The following PHF20L1 variants were observed in gnomAD, a reference collection of about 807,000 sequenced individuals.
The protein encoded by PHF20L1 is PHD finger protein 20 like 1, also known as PHD finger protein 20-like protein 1.
In PHF20L1, 44 loss-of-function variants were observed where a neutral mutation model predicts 125.5. That is an observed-to-expected ratio of 0.35 (90% CI 0.28 to 0.45). The LOEUF is 0.45. Ranked by LOEUF, PHF20L1 falls within the 20% of genes least tolerant of loss-of-function variation. The probability of loss-of-function intolerance (pLI) is 1.00; values close to 1 mark genes in which losing one functional copy is unlikely to be tolerated. For missense variants in PHF20L1, 1,012 were observed against 1,217.2 expected, an observed-to-expected ratio of 0.83 and a Z score of 2.51; for synonymous variants, 380 against 403.1, an observed-to-expected ratio of 0.94 and a Z score of 0.69.
intron 4 of PHF20L1, among the ~76,000 whole-genome samples, chr8:132,795,223 T>G (rs774389445): frequency 1.8e-4 from 27 of 152,132 alleles, no homozygotes; most frequent in Non-Finnish European, 4.0e-4. Context: ...TAGGATATTT[T>G]CTGAGGAAAG....
chr8:132,823,982 A>G (rs199557054), intron 12 of PHF20L1, 22 bp from the exon 13 acceptor site: 195 of 1,481,286 alleles, frequency 1.3e-4, no homozygotes, highest in Admixed American at 3.5e-4. Context: ...TTAAACTTAC[A>G]TATTTTTCCC....
At position 132,798,730 on chromosome 8, in the gene PHF20L1, TG is replaced by T. The variant is rs757584870; in HGVS notation, c.341-41del. ...TAGATTTCAAGTGTTGCTGTAAACT[TG>T]AATTATATTTTCTAATGATTCTGAC... is the stretch of plus-strand genomic sequence containing the variant. On this transcript the variant is annotated intron_variant, in intron 4 of 20. Coordinates refer to ENST00000395386, the MANE Select transcript of PHF20L1 (RefSeq NM_016018.5). 6.9e-6 allele frequency: 9 copies of T among 1,301,902 alleles called. No individual in the cohort carries two copies. In the African/African-American group the frequency reaches 8.8e-5, roughly 13 times the overall value. The allele number at this position is 1,301,902 out of a possible 1,614,324, so 80.6% of individuals were successfully genotyped here.
intron 18 of PHF20L1, among the ~76,000 whole-genome samples, chr8:132,839,801 A>T (rs902611429): frequency 6.6e-6 from 1 of 152,162 alleles, no homozygotes; most frequent in African/African-American, 2.4e-5. Flanking sequence ...AAAGGTAGAT[A>T]CGGCATCTAG....
At chr8:132,833,415 C>T (rs1031161117) in intron 15 of PHF20L1, among the ~76,000 whole-genome samples, 9 of 152,000 alleles carry the variant, frequency 5.9e-5, no homozygotes, top group African/African-American at 2.2e-4. Flanking sequence ...AAGTTACCAC[C>T]ACCCTTTTCC....
intron 14 of PHF20L1, among the ~76,000 whole-genome samples, chr8:132,828,690 A>G (rs1188678093): frequency 6.6e-6 from 1 of 152,050 alleles, no homozygotes; most frequent in African/African-American, 2.4e-5. Flanking sequence ...TGTGTGTATG[A>G]GAAGTCACCA....
chr8:132,834,033 G>C (rs1837075767), intron 15 of PHF20L1, among the ~76,000 whole-genome samples: 2 of 152,040 alleles, frequency 1.3e-5, no homozygotes, highest in African/African-American at 4.8e-5. Flanking sequence ...CAATTTAAGG[G>C]GTAGTTGCTG....
chr8:132,843,770 G>A (rs1185324930), intron 19 of PHF20L1: 2 of 984,970 alleles, frequency 2.0e-6, no homozygotes, highest in African/African-American at 3.5e-5. Context: ...AAACGCTCTT[G>A]ATTTCTTTTC....
At chr8:132,843,822 G>A in intron 19 of PHF20L1, 1 of 985,082 alleles carries the variant, frequency 1.0e-6, no homozygotes, top group Non-Finnish European at 1.2e-6. Flanking sequence ...ATCACCAGCT[G>A]AGATTAATTG....
Position 132,846,622 on chromosome 8 carries a change from G to C in PHF20L1, c.*699G>C, listed in dbSNP as rs890903758. ...ATTAAAAACAAACTGGCTTGCAGAA[G>C]GGTCCGATGTGCCAAGTGATCATGA... On this transcript the variant is annotated 3_prime_UTR_variant, in exon 21 of 21. Transcript: ENST00000395386. The C allele has an allele frequency of 7.2e-5, 11 of 152,492 alleles. No homozygotes were observed. Among genetic ancestry groups the C allele is most frequent in the Non-Finnish European group, 1.5e-4 (10 of 67,980 alleles). The allele number at this position is 152,492 out of a possible 1,614,324, so 9.4% of individuals were successfully genotyped here.
chr8:132,829,025 T>G (rs1836493508), intron 14 of PHF20L1, among the ~76,000 whole-genome samples: 1 of 152,000 alleles, frequency 6.6e-6, no homozygotes, highest in Admixed American at 6.6e-5. Flanking sequence ...GGAAGGGACT[T>G]TATGTAGGAG....
intron 19 of PHF20L1, chr8:132,843,903 C>T (rs951776712): frequency 1.6e-5 from 16 of 985,044 alleles, no homozygotes; most frequent in African/African-American, 1.0e-4. Flanking sequence ...ATTTATTTAG[C>T]GCATTTTATT....
chr8:132,785,635 T>C (rs532185511), intron 2 of PHF20L1, among the ~76,000 whole-genome samples: 1 of 152,276 alleles, frequency 6.6e-6, no homozygotes, highest in East Asian at 1.9e-4. Context: ...TTGCTACAGA[T>C]GGTTAGCACA....
chr8:132,843,136 G>A (rs1013890200), intron 19 of PHF20L1: 5 of 1,124,578 alleles, frequency 4.4e-6, no homozygotes, highest in Non-Finnish European at 1.1e-6. Flanking sequence ...AGTACATTTC[G>A]ATGCTTCTAA....
At chr8:132,797,227 T>A (rs1832502156) in intron 4 of PHF20L1, among the ~76,000 whole-genome samples, 1 of 151,948 alleles carries the variant, frequency 6.6e-6, no homozygotes, top group Non-Finnish European at 1.5e-5. Context: ...GCCTGCCCGC[T>A]CCCCACCTTG....
Position 132,836,648 on chromosome 8 carries a change from A to T in PHF20L1, c.2018A>T (p.Asp673Val), listed in dbSNP as rs1325185416. The part of the protein sequence containing the change: ...FDSTNFEESQ[D>V]EDDALNEIVR... ...TCAACCAATTTTGAGGAATCTCAGGATGAGGATGATGCTCTTAATGAAATT... is the reference window on the plus strand; with the variant it reads ...TCAACCAATTTTGAGGAATCTCAGGTTGAGGATGATGCTCTTAATGAAATT... Residue 673 changes from aspartate (D) to valine (V), a missense_variant, in exon 16 of 21, where the codon GAT becomes GTT. Physicochemically the swap from Asp to Val is radical, Grantham distance 152 (BLOSUM62 -3). Transcript: ENST00000395386. 4 of 1,613,144 alleles carry T rather than the reference A, an allele frequency of 2.5e-6. No individual in the cohort carries two copies. Among genetic ancestry groups the T allele is most frequent in the Non-Finnish European group, 3.4e-6 (4 of 1,179,330 alleles).
chr8:132,799,687 A>G (rs1832818944), intron 6 of PHF20L1: 1 of 152,010 alleles, frequency 6.6e-6, no homozygotes, highest in African/African-American at 2.4e-5. Flanking sequence ...TCATTCTGAA[A>G]TGTATTGAAA....
In PHF20L1 at chr8:132,837,897, A is replaced by G. The variant is rs571659599; in HGVS notation, c.2191+86A>G. ...GAGTGTATCAGCTGTGTTCACCACCACTACAGCAAGTTCTCACATGATGTC... is the reference window on the plus strand; with the variant it reads ...GAGTGTATCAGCTGTGTTCACCACCGCTACAGCAAGTTCTCACATGATGTC... On this transcript the variant is annotated intron_variant, in intron 17 of 20. Transcript: ENST00000395386. The G allele has an allele frequency of 3.2e-5, 28 of 881,190 alleles. No individual in the cohort carries two copies. In the East Asian group the frequency reaches 5.6e-4, roughly 18 times the overall value. 54.6% of individuals were successfully genotyped at this position (881,190 alleles called of 1,614,324 possible). A position where few individuals can be genotyped will look rare whatever the true frequency, so the allele number is the denominator to read the frequency against.
intron 12 of PHF20L1, among the ~76,000 whole-genome samples, chr8:132,821,461 A>G (rs1202181760): frequency 6.6e-6 from 1 of 151,926 alleles, no homozygotes; most frequent in African/African-American, 2.4e-5. Flanking sequence ...TTTTATTCCA[A>G]CATCTCACAT....
At chr8:132,836,369 A>C (rs973217559) in intron 15 of PHF20L1, 171 bp from the exon 16 acceptor site, 8 of 502,982 alleles carry the variant, frequency 1.6e-5, no homozygotes, top group Non-Finnish European at 2.4e-5. Context: ...AGCTTCAAAA[A>C]TCTTTTGTTT....
Sources: gnomAD v4.1 joint callset for allele counts (sites outside exome capture counted in the v4.1 genomes callset) on GRCh38, gnomAD v4.1.1 for gene constraint, MANE v1.5 for transcripts, NCBI Gene and HGNC (gene_info 2026-07-23, HGNC 2026-07-21) for gene names.